The following CEP72 variants were observed in gnomAD, a reference collection of about 807,000 sequenced individuals.
The protein encoded by CEP72 is centrosomal protein 72.
Under a neutral mutation model 65.7 loss-of-function variants are expected in CEP72, and 78 were observed. The ratio of observed to expected loss-of-function variants is 1.19; its 90% CI spans 0.99 to 1.43. CEP72 has a LOEUF of 1.43. CEP72 is among the 40% of genes most tolerant of loss of function. The pLI, the probability that CEP72 is intolerant of heterozygous loss-of-function variation, is 0.00. For missense variants in CEP72, 914 were observed against 832.9 expected, an observed-to-expected ratio of 1.10 and a Z score of -1.20; for synonymous variants, 358 against 351.7, an observed-to-expected ratio of 1.02 and a Z score of -0.20.
Position 640,749 on chromosome 5 carries a change from C to A in CEP72, c.1539+145C>A, listed in dbSNP as rs887144008. 4 of 1,436,568 alleles carry A rather than the reference C, an allele frequency of 2.8e-6. No individual in the cohort carries two copies. In the African/African-American group the frequency reaches 4.3e-5, roughly 15 times the overall value. The allele number at this position is 1,436,568 out of a possible 1,614,324, so 89.0% of individuals were successfully genotyped here. A position where few individuals can be genotyped will look rare whatever the true frequency, so the allele number is the denominator to read the frequency against. On this transcript the variant is annotated intron_variant, in intron 9 of 11. Transcript: ENST00000264935. ...CATGTCTCCACTCCCTGCCCGGGAC[C>A]CGGCCACCCCCGGAACGCGGCCTGC... is the stretch of plus-strand genomic sequence containing the variant.
In CEP72 at chr5:640,394, G is replaced by T; in HGVS notation, c.1343-14G>T. On this transcript the variant is annotated splice_polypyrimidine_tract_variant and intron_variant, in intron 8 of 11. Coordinates refer to ENST00000264935, the MANE Select transcript of CEP72 (RefSeq NM_018140.4). ...AGCCTAAGTGCTAATGTAATATTTGGTTTTCACTCCTAGCTCAGGCAAGAC... is the reference window on the plus strand; with the variant it reads ...AGCCTAAGTGCTAATGTAATATTTGTTTTTCACTCCTAGCTCAGGCAAGAC... 4 of 1,608,670 alleles carry T rather than the reference G, an allele frequency of 2.5e-6. No homozygotes were observed. Among genetic ancestry groups the T allele is most frequent in the Non-Finnish European group, 3.4e-6 (4 of 1,176,114 alleles).
At position 645,233 on chromosome 5, in the gene CEP72, A is replaced by G. The variant is rs935490712; in HGVS notation, c.1666+808A>G. On this transcript the variant is annotated intron_variant, in intron 10 of 11. Coordinates refer to ENST00000264935, the MANE Select transcript of CEP72 (RefSeq NM_018140.4). The surrounding 1 kb of genome is among the most constrained non-coding windows in gnomAD (Gnocchi z 4.0). ...CTTTGCGGCAGGGAGGCAGCTGTGGATGAGGCCTGTGGCCGCTCTGTCTCC... is the reference window on the plus strand; with the variant it reads ...CTTTGCGGCAGGGAGGCAGCTGTGGGTGAGGCCTGTGGCCGCTCTGTCTCC... 1.3e-5 allele frequency among the ~76,000 whole-genome samples: 2 copies of G among 152,050 alleles called. No homozygotes were observed. The highest frequency in any genetic ancestry group is 2.9e-5 in the Non-Finnish European group (2 of 67,998).
intron 1 of CEP72, among the ~76,000 whole-genome samples, chr5:617,697 A>G (rs1393051774): frequency 6.6e-6 from 1 of 152,132 alleles, no homozygotes; most frequent in East Asian, 1.9e-4. Context: ...TACCTGAGGA[A>G]ACAGGGAAAC....
rs1474399057 is a variant in CEP72, at chr5:666,031, T to G, written n.524T>G. On this transcript the variant is annotated non_coding_transcript_exon_variant, in exon 4 of 5. Coordinates refer to the CEP72 transcript ENST00000514507. ...GAGCCTGTGCACCTCGCGAACGGCC[T>G]CCTCGCTGCTCTTGTCTTTGAATCG... The G allele has an allele frequency of 2.5e-6, 4 of 1,601,324 alleles. No homozygotes were observed. In the South Asian group the frequency reaches 3.3e-5, roughly 13 times the overall value.
At position 649,328 on chromosome 5, in the gene CEP72, G is replaced by A. The variant is rs1206492654; in HGVS notation, c.1778+1412G>A. ...CGTGACTGAGGCGTGACTGTGAGGC[G>A]TGACTGTGAGGCGTGGACTGTGAGG... On this transcript the variant is annotated intron_variant, in intron 11 of 11. Transcript: ENST00000264935. 1.3e-4 allele frequency among the ~76,000 whole-genome samples: 18 copies of A among 138,130 alleles called. No individual in the cohort carries two copies. In the East Asian group the frequency reaches 2.6e-3, roughly 20 times the overall value. 90.6% of individuals were successfully genotyped at this position (138,130 alleles called of 152,430 possible). A position where few individuals can be genotyped will look rare whatever the true frequency, so the allele number is the denominator to read the frequency against.
At chr5:663,364 C>G (rs893426073) in intron 1 of CEP72, 3 of 152,470 alleles carry the variant, frequency 2.0e-5, no homozygotes, top group Non-Finnish European at 4.4e-5. Context: ...AGGTGACATC[C>G]TAAAGGAGCC....
intron 11 of CEP72, among the ~76,000 whole-genome samples, chr5:651,399 G>A (rs1005405107): frequency 2.0e-5 from 3 of 151,936 alleles, no homozygotes; most frequent in African/African-American, 7.3e-5. Context: ...TGGACTGAGA[G>A]TTGTGGACTG....
At chr5:647,958 G>A in intron 11 of CEP72, 42 bp downstream of exon 11, 2 of 1,439,918 alleles carry the variant, frequency 1.4e-6, no homozygotes, top group Non-Finnish European at 1.9e-6. Flanking sequence ...GAGGGGAGGA[G>A]GCCCAGGTAC....
chr5:671,075 G>T (rs1740204017), downstream of CEP72, among the ~76,000 whole-genome samples: 1 of 152,168 alleles, frequency 6.6e-6, no homozygotes, highest in Non-Finnish European at 1.5e-5. Flanking sequence ...CCACCATGAA[G>T]CCCCCACACA....
intron 9 of CEP72, chr5:641,137 C>T (rs577230729): frequency 5.1e-6 from 5 of 984,268 alleles, no homozygotes; most frequent in South Asian, 4.7e-5. Context: ...CCGGGGCCGC[C>T]GTCTCATCTG....
At chr5:642,664 C>G in intron 9 of CEP72, 1 of 985,346 alleles carries the variant, frequency 1.0e-6, no homozygotes, top group Middle Eastern at 5.2e-4. Flanking sequence ...GCAGGCAGCC[C>G]TGGGCCTCTG....
At chr5:669,810 C>A (rs1006002756), downstream of CEP72, among the ~76,000 whole-genome samples, 1 of 152,098 alleles carries the variant, frequency 6.6e-6, no homozygotes, top group South Asian at 2.1e-4. Flanking sequence ...GGGTGCCCCC[C>A]GCCTGGGGCA....
chr5:667,891 G>T (rs59316147), downstream of CEP72, among the ~76,000 whole-genome samples: 6,651 of 48,310 alleles, frequency 0.14, 945 homozygotes, highest in African/African-American at 0.32. Context: ...CAGAGAGGGG[G>T]CCGTGTGGGC....
chr5:639,039 A>C, intron 7 of CEP72, 50 bp from the exon 8 acceptor site: 2 of 1,609,658 alleles, frequency 1.2e-6, no homozygotes, highest in Non-Finnish European at 1.7e-6. Flanking sequence ...GCTGGCATTC[A>C]GGACCTCAGT....
intron 9 of CEP72, chr5:642,564 G>A (rs918114261): frequency 1.0e-6 from 1 of 985,508 alleles, no homozygotes; most frequent in Non-Finnish European, 1.2e-6. Flanking sequence ...CCGAGCACCA[G>A]TGCTGCCAGG....
chr5:637,906 C>T, intron 7 of CEP72, 88 bp downstream of exon 7: 1 of 1,253,570 alleles, frequency 8.0e-7, no homozygotes, highest in South Asian at 1.6e-5. Flanking sequence ...GTGATTACGC[C>T]TGCGGCACTG....
chr5:658,237 C>T (rs1233764643), downstream of CEP72, among the ~76,000 whole-genome samples: 1 of 152,262 alleles, frequency 6.6e-6, no homozygotes, highest in East Asian at 1.9e-4. Flanking sequence ...TGAGGACACA[C>T]TCATCCAGGC....
intron 11 of CEP72, among the ~76,000 whole-genome samples, chr5:650,703 C>T (rs867881805): frequency 4.8e-5 from 1 of 20,972 alleles, no homozygotes; most frequent in African/African-American, 5.3e-4. Flanking sequence ...GACTGTGAGG[C>T]GTGGACTGTG....
chr5:658,960 G>T (rs759180563), downstream of CEP72, among the ~76,000 whole-genome samples: 7 of 152,314 alleles, frequency 4.6e-5, no homozygotes, highest in African/African-American at 1.2e-4. Flanking sequence ...GAGCCACCGC[G>T]CCCGGCCTCA....
Sources: allele counts gnomAD v4.1 joint callset (sites outside exome capture counted in the v4.1 genomes callset), GRCh38; gene constraint gnomAD v4.1.1; non-coding constraint Gnocchi (gnomAD v3.1); transcripts MANE v1.5; gene names NCBI Gene and HGNC (gene_info 2026-07-23, HGNC 2026-07-21).